RPH3A: variants seen among roughly 807,000 people sequenced by gnomAD.
The protein encoded by RPH3A is rabphilin-3A.
A neutral mutation model predicts 102.2 loss-of-function variants in RPH3A; 48 were observed. That is an observed-to-expected ratio of 0.47 (90% CI 0.37 to 0.60). The LOEUF (loss-of-function observed/expected upper bound fraction) is 0.60. RPH3A is among the 20% of genes least tolerant of loss of function. The pLI, the probability that RPH3A is intolerant of heterozygous loss-of-function variation, is 0.00. For synonymous variants in RPH3A, 310 were observed against 324.3 expected (o/e 0.96, Z 0.47); for missense variants, 781 against 910.1 (o/e 0.86, Z 1.83).
intron 1 of RPH3A, among the ~76,000 whole-genome samples, chr12:112,644,830 A>G (rs2039916724): frequency 6.6e-6 from 1 of 152,210 alleles, no homozygotes; most frequent in African/African-American, 2.4e-5. Flanking sequence ...AGATAGCTAT[A>G]TAATAAAAGC....
At chr12:112,746,463 G>A (rs2040747156) in intron 1 of RPH3A, among the ~76,000 whole-genome samples, 1 of 151,890 alleles carries the variant, frequency 6.6e-6, no homozygotes, top group South Asian at 2.1e-4. Context: ...CCAAGCCTTA[G>A]GTGTTGAGGG....
chr12:112,691,098 C>T (rs574014714), intron 1 of RPH3A, among the ~76,000 whole-genome samples: 1 of 151,998 alleles, frequency 6.6e-6, no homozygotes, highest in Non-Finnish European at 1.5e-5. Flanking sequence ...GATCTCAGCT[C>T]ACAGCAAGCT....
chr12:112,800,980 G>T (rs2041338339), intron 2 of RPH3A, among the ~76,000 whole-genome samples: 1 of 151,076 alleles, frequency 6.6e-6, no homozygotes, highest in African/African-American at 2.4e-5. Flanking sequence ...TGGGTTTTTT[G>T]TTTTTTTTTC....
intron 1 of RPH3A, among the ~76,000 whole-genome samples, chr12:112,775,884 A>G (rs2040962339): frequency 6.6e-6 from 1 of 152,174 alleles, no homozygotes; most frequent in African/African-American, 2.4e-5. Context: ...TAATTGTGTC[A>G]AACACATCTT....
intron 1 of RPH3A, among the ~76,000 whole-genome samples, chr12:112,755,298 T>TACACACAC (rs58229294): frequency 1.6e-4 from 23 of 145,886 alleles, no homozygotes; most frequent in Admixed American, 8.9e-4. Context: ...TATATGTATA[T>TACACACAC]ACACACACAC....
At chr12:112,837,780 A>G in intron 4 of RPH3A, 1 of 456,020 alleles carries the variant, frequency 2.2e-6, no homozygotes, top group Non-Finnish European at 4.4e-6. Context: ...CAGGGTTCTT[A>G]GAGGCTTCAT....
chr12:112,808,330 C>G (rs1284871995), intron 2 of RPH3A, among the ~76,000 whole-genome samples: 1 of 152,212 alleles, frequency 6.6e-6, no homozygotes, highest in East Asian at 1.9e-4. Flanking sequence ...TTGTCAATAT[C>G]AACATTACCT....
chr12:112,604,772 A>T (rs1259672556), intron 1 of RPH3A, among the ~76,000 whole-genome samples: 1 of 152,164 alleles, frequency 6.6e-6, no homozygotes, highest in Non-Finnish European at 1.5e-5. Context: ...GGGCTGAAAA[A>T]TCCACTTCCA....
At chr12:112,591,651 C>T (rs1566219932) in intron 1 of RPH3A, 2 of 152,216 alleles carry the variant, frequency 1.3e-5, no homozygotes, top group Non-Finnish European at 2.9e-5. Context: ...AATTGTGTGG[C>T]TCCATTTCTG....
intron 1 of RPH3A, chr12:112,650,797 T>C (rs539603716): frequency 6.6e-6 from 1 of 151,792 alleles, no homozygotes; most frequent in Admixed American, 6.6e-5. Flanking sequence ...GAGCAGATCA[T>C]AGTTCACCGC....
intron 1 of RPH3A, among the ~76,000 whole-genome samples, chr12:112,655,609 C>CA (rs993106542): frequency 1.8e-5 from 2 of 110,320 alleles, no homozygotes; most frequent in African/African-American, 7.2e-5. Flanking sequence ...CTTGCTCTGT[C>CA]ACCCAGGCTG....
At chr12:112,642,739 C>T (rs552430983) in intron 1 of RPH3A, among the ~76,000 whole-genome samples, 1 of 152,210 alleles carries the variant, frequency 6.6e-6, no homozygotes, top group Admixed American at 6.5e-5. Flanking sequence ...AATAATAATC[C>T]ACTCAACCAG....
At chr12:112,727,673 A>T (rs908695011) in intron 1 of RPH3A, among the ~76,000 whole-genome samples, 5 of 152,038 alleles carry the variant, frequency 3.3e-5, no homozygotes, top group Admixed American at 6.5e-5. Context: ...GGAGCATTGC[A>T]TGGAGTCAAA....
At chr12:112,667,511 T>C (rs2040093169) in intron 1 of RPH3A, among the ~76,000 whole-genome samples, 1 of 151,922 alleles carries the variant, frequency 6.6e-6, no homozygotes, top group Non-Finnish European at 1.5e-5. Flanking sequence ...CAATGGGAAA[T>C]ATGGCACACT....
intron 5 of RPH3A, among the ~76,000 whole-genome samples, chr12:112,862,242 C>G (rs994786431): frequency 4.7e-5 from 7 of 148,912 alleles, no homozygotes; most frequent in African/African-American, 7.6e-5. Flanking sequence ...TCAGTCCCCC[C>G]CCCAAAAAAA....
intron 17 of RPH3A, among the ~76,000 whole-genome samples, chr12:112,888,627 A>T (rs944330666): frequency 1.3e-5 from 2 of 152,190 alleles, no homozygotes; most frequent in African/African-American, 2.4e-5. Flanking sequence ...ACCTCATAGG[A>T]TCTTTTAAGG....
chr12:112,819,298 G>C (rs766635591), intron 2 of RPH3A, among the ~76,000 whole-genome samples: 14 of 152,028 alleles, frequency 9.2e-5, no homozygotes, highest in Non-Finnish European at 1.9e-4. Flanking sequence ...AGTAGAGAGA[G>C]GGTTTCATCA....
chr12:112,589,127 C>A (rs1566218785), intron 1 of RPH3A, among the ~76,000 whole-genome samples: 1 of 149,726 alleles, frequency 6.7e-6, no homozygotes, highest in African/African-American at 2.5e-5. Flanking sequence ...GTAGAGGGGG[C>A]GATTAGTAGA....
At chr12:112,788,661 G>A (rs373841004), upstream of RPH3A, among the ~76,000 whole-genome samples, 16 of 152,230 alleles carry the variant, frequency 1.1e-4, no homozygotes, top group South Asian at 6.2e-4. Flanking sequence ...GTATGCAGCA[G>A]GTGGTAGCTA....
Sources: allele counts gnomAD v4.1 joint callset (sites outside exome capture counted in the v4.1 genomes callset), GRCh38; gene constraint gnomAD v4.1.1; transcripts MANE v1.5; gene names NCBI Gene and HGNC (gene_info 2026-07-23, HGNC 2026-07-21).